Variants in CCN1 observed in about 807,000 individuals in gnomAD.
CCN1 encodes the protein cellular communication network factor 1, also known as CCN family member 1.
Under a neutral mutation model 38.1 loss-of-function variants are expected in CCN1, and 12 were observed. The ratio of observed to expected loss-of-function variants is 0.31; its 90% CI spans 0.20 to 0.51. CCN1 has a LOEUF of 0.51. Ranked by LOEUF, CCN1 falls within the 20% of genes least tolerant of loss-of-function variation. The pLI is 0.97. For missense variants in CCN1, 466 were observed against 490.9 expected, an observed-to-expected ratio of 0.95 and a Z score of 0.48; for synonymous variants, 202 against 196.1, an observed-to-expected ratio of 1.03 and a Z score of -0.25.
chr1:85,582,329 T>C (rs1659808205), intron 3 of CCN1, 45 bp downstream of exon 3: 22 of 1,613,466 alleles, frequency 1.4e-5, no homozygotes, highest in Non-Finnish European at 1.8e-5. Flanking sequence ...GAGATGCATT[T>C]CTGGTCTAAA....
In CCN1 at chr1:85,582,238, T is replaced by C. The variant is rs200107136; in HGVS notation, c.588T>C (p.Asn196=). ...CCGAGGTGGAGTTGACGAGAAACAA[T>C]GAATTGATTGCAGTTGGAAAAGGCA... The part of the protein sequence containing the change: ...DASEVELTRN[N]ELIAVGKGSS... The change falls in exon 3 of 5, where the codon AAT becomes AAC. Residue 196 remains asparagine, a synonymous_variant. Coordinates refer to ENST00000451137, the MANE Select transcript of CCN1 (RefSeq NM_001554.5). The C allele has an allele frequency of 4.1e-5, 66 of 1,613,942 alleles. 1 individual carries two copies. In the Admixed American group the frequency reaches 6.0e-4, roughly 15 times the overall value.
At chr1:85,581,106 G>C in intron 1 of CCN1, 59 bp downstream of exon 1, 2 of 1,530,572 alleles carry the variant, frequency 1.3e-6, no homozygotes, top group Non-Finnish European at 1.8e-6. Flanking sequence ...CCCTTCCCCT[G>C]GTCCCAGATT....
In CCN1 at chr1:85,581,347, A is replaced by T; in HGVS notation, c.64-18A>T. On this transcript the variant is annotated intron_variant, in intron 1 of 4. Coordinates refer to ENST00000451137, the MANE Select transcript of CCN1 (RefSeq NM_001554.5). ...GCGCACCGCGCCGAGTCTCACGCGT[A>T]TCTTCTCCCCCTTCCAGGCGCTCTC... 2 of 1,556,780 alleles carry T rather than the reference A, an allele frequency of 1.3e-6. No individual in the cohort carries two copies. The highest frequency in any genetic ancestry group is 2.3e-5 in the South Asian group (2 of 85,642).
rs1659800809 is a variant in CCN1 at position 85,582,059 on chromosome 1, G to A, written c.409G>A (p.Glu137Lys). The change falls in exon 3 of 5, where the codon GAA becomes AAA. Residue 137 changes from glutamate to lysine, a missense_variant. By Grantham distance (56) the Glu-to-Lys change is moderately conservative. Around this residue, in one of 3 missense-constraint regions of CCN1, gnomAD observed 309 missense variants for 319.9 expected, o/e 0.97. Transcript: ENST00000451137. ...GGGCTGCATTCCTCTGTGTCCCCAAGAACTATCTCTCCCCAACTTGGGCTG... is the reference window on the plus strand; with the variant it reads ...GGGCTGCATTCCTCTGTGTCCCCAAAAACTATCTCTCCCCAACTTGGGCTG... The part of the protein sequence containing the change: ...AVGCIPLCPQ[E>K]LSLPNLGCPN... 1 of 1,614,152 alleles carries A rather than the reference G, an allele frequency of 6.2e-7. No individual in the cohort carries two copies.
chr1:85,581,186 C>T, intron 1 of CCN1, 139 bp downstream of exon 1: 1 of 1,218,482 alleles, frequency 8.2e-7, no homozygotes, highest in Middle Eastern at 1.9e-4. Context: ...CACTCTCCCC[C>T]TCCCCCCGAA....
rs772182743 is a variant in CCN1, at chr1:85,580,887, C to G, written c.-98C>G. ...TCCCTGCCCACCGGGCCCACCGCGC[C>G]GCCACCCCGACCCCGCTGCGCACGG... On this transcript the variant is annotated 5_prime_UTR_variant, in exon 1 of 5. Coordinates refer to ENST00000451137, the MANE Select transcript of CCN1 (RefSeq NM_001554.5). 873 of 1,215,034 alleles carry G rather than the reference C, an allele frequency of 7.2e-4. 5 individuals are homozygous for G. The highest frequency in any genetic ancestry group is 6.5e-3 in the Middle Eastern group (31 of 4,742). 75.3% of individuals were successfully genotyped at this position (1,215,034 alleles called of 1,614,324 possible).
Position 85,583,134 on chromosome 1 carries a change from G to C in CCN1, c.*92G>C. 2 of 1,346,776 alleles carry C rather than the reference G, an allele frequency of 1.5e-6. No individual in the cohort carries two copies. Among genetic ancestry groups the C allele is most frequent in the South Asian group, 2.7e-5 (2 of 74,586 alleles). 83.4% of individuals were successfully genotyped at this position (1,346,776 alleles called of 1,614,324 possible). On this transcript the variant is annotated 3_prime_UTR_variant, in exon 5 of 5. Transcript: ENST00000451137. ...GGAGAAAATGGGCGGGGGTGGTGTG[G>C]GTGATGGGACTCATTGTAGAAAGGA...
chr1:85,582,354 A>G (rs1021296283), intron 3 of CCN1, 62 bp from the exon 4 acceptor site: 3 of 1,613,070 alleles, frequency 1.9e-6, no homozygotes, highest in Non-Finnish European at 2.5e-6. Context: ...TGTAGAAATG[A>G]GTGCTTGAGC....
chr1:85,583,307 G>A lies in CCN1; in HGVS notation c.*265G>A. The A allele has an allele frequency of 2.2e-6, 1 of 449,830 alleles. No homozygotes were observed. Among genetic ancestry groups the A allele is most frequent in the Non-Finnish European group, 3.9e-6 (1 of 255,466 alleles). 27.9% of individuals were successfully genotyped at this position (449,830 alleles called of 1,614,324 possible). ...ACTGCTTCATTTTGGAGCTTGTGGA[G>A]TTGATGACTTTCTGTTTTCTGTTTG... On this transcript the variant is annotated 3_prime_UTR_variant, in exon 5 of 5. Coordinates refer to ENST00000451137, the MANE Select transcript of CCN1 (RefSeq NM_001554.5).
At position 85,580,963 on chromosome 1, in the gene CCN1, C is replaced by A; in HGVS notation, c.-22C>A. On this transcript the variant is annotated 5_prime_UTR_variant, in exon 1 of 5. Transcript: ENST00000451137. ...GGCGTCTTCGTCGCCGCGCTCGCCC[C>A]GGGCTACTCCTGCGCGCCACAATGA... 1 of 1,576,816 alleles carries A rather than the reference C, an allele frequency of 6.3e-7. No homozygotes were observed.
At position 85,582,442 on chromosome 1, in the gene CCN1, T is replaced by C. The variant is rs565430789; in HGVS notation, c.661T>C (p.Tyr221His). The C allele has an allele frequency of 2.8e-5, 45 of 1,614,184 alleles. No homozygotes were observed. In the South Asian group the frequency reaches 4.9e-4, roughly 18 times the overall value. The change falls in exon 4 of 5, where the codon TAC becomes CAC. Residue 221 changes from tyrosine to histidine, a missense_variant. By Grantham distance (83) the Tyr-to-His change is moderately conservative. This residue lies in a region of CCN1 where 309 missense variants were observed against 319.9 expected (regional missense o/e 0.97). Transcript: ENST00000451137. ...PVFGMEPRIL[Y>H]NPLQGQKCIV... is the part of the protein sequence containing the mutation. ...TTTTGGAATGGAGCCTCGCATCCTA[T>C]ACAACCCTTTACAAGGCCAGAAATG...
Position 85,581,031 on chromosome 1 carries a change from T to A in CCN1, c.47T>A (p.Leu16His). ...ARALALVVTLLHLTRLALSTC... is the reference protein window; with the variant it reads ...ARALALVVTLHHLTRLALSTC... ...GCGCTCGCCTTAGTCGTCACCCTTC[T>A]CCACTTGACCAGGCTGGTGAGTTGG... Residue 16 changes from leucine (L) to histidine (H), a missense_variant, in exon 1 of 5, where the codon CTC becomes CAC. Physicochemically the swap from Leu to His is moderately conservative, Grantham distance 99 (BLOSUM62 -3). Transcript: ENST00000451137. 6.2e-7 allele frequency: 1 copy of A among 1,611,060 alleles called. No homozygotes were observed. Among genetic ancestry groups the A allele is most frequent in the Non-Finnish European group, 8.5e-7 (1 of 1,178,924 alleles).
rs774059615 is a variant in CCN1 at position 85,582,434 on chromosome 1, G to C, written c.653G>C (p.Arg218Pro). ...KRLPVFGMEP[R>P]ILYNPLQGQK... The stretch of plus-strand genomic sequence containing the variant: ...TCTCTAGTTTTTGGAATGGAGCCTC[G>C]CATCCTATACAACCCTTTACAAGGC... The change falls in exon 4 of 5, where the codon CGC becomes CCC. Residue 218 changes from arginine to proline, a missense_variant. This residue lies in a region of CCN1 where 309 missense variants were observed against 319.9 expected (regional missense o/e 0.97). Coordinates refer to ENST00000451137, the MANE Select transcript of CCN1 (RefSeq NM_001554.5). 1 of 1,614,022 alleles carries C rather than the reference G, an allele frequency of 6.2e-7. No individual in the cohort carries two copies. Among genetic ancestry groups the C allele is most frequent in the South Asian group, 1.1e-5 (1 of 91,066 alleles).
rs1180838272 is a variant in CCN1 at position 85,582,928 on chromosome 1, CA to C, written c.1034del (p.Lys345ArgfsTer4). 1 of 1,614,084 alleles carries C rather than the reference CA, an allele frequency of 6.2e-7. No homozygotes were observed. The highest frequency in any genetic ancestry group is 8.5e-7 in the Non-Finnish European group (1 of 1,180,056). On this transcript the variant is annotated frameshift_variant, in exon 5 of 5. Transcript: ENST00000451137. LOFTEE classifies it high-confidence loss of function. ...GCTGCGAAGATGGGGAGACATTTTC[CA>C]AGAACGTCATGATGATCCAGTCCTG... is the stretch of plus-strand genomic sequence containing the variant. Reference protein sequence around the residue: ...FRCEDGETFSKNVMMIQSCKC... With the variant: ...FRCEDGETFSXNVMMIQSCKC...
At chr1:85,581,689 A>C (rs1659794441) in intron 2 of CCN1, 111 bp downstream of exon 2, 14 of 1,343,008 alleles carry the variant, frequency 1.0e-5, no homozygotes, top group Non-Finnish European at 1.4e-5. Flanking sequence ...GTAGCTTGGC[A>C]GAAAGGCACA....
chr1:85,582,526 A>G lies in CCN1; in HGVS notation c.745A>G (p.Thr249Ala). Residue 249 changes from threonine (T) to alanine (A), a missense_variant, in exon 4 of 5, where the codon ACA becomes GCA. Thr to Ala is a moderately conservative substitution (Grantham distance 58). Around this residue, in one of 3 missense-constraint regions of CCN1, gnomAD observed 309 missense variants for 319.9 expected, o/e 0.97. Coordinates refer to ENST00000451137, the MANE Select transcript of CCN1 (RefSeq NM_001554.5). ...CSKTCGTGIS[T>A]RVTNDNPECR... ...AAAGACCTGTGGAACTGGTATCTCC[A>G]CACGAGTTACCAATGACAACCCTGA... 3.1e-6 allele frequency: 5 copies of G among 1,614,142 alleles called. No individual in the cohort carries two copies. The highest frequency in any genetic ancestry group is 2.2e-5 in the South Asian group (2 of 91,072).
rs72726328 is a variant in CCN1, at chr1:85,583,523, C to T, written c.*481C>T. 1.3e-5 allele frequency: 2 copies of T among 155,682 alleles called. No homozygotes were observed. Among genetic ancestry groups the T allele is most frequent in the African/African-American group, 2.4e-5 (1 of 41,594 alleles). The allele number at this position is 155,682 out of a possible 1,614,324, so 9.6% of individuals were successfully genotyped here. A position where few individuals can be genotyped will look rare whatever the true frequency, so the allele number is the denominator to read the frequency against. ...AGTGTCTGTGAGAGGCAGCTATCTG[C>T]ACTCTAAACTGCAAACAGAAATCAG... On this transcript the variant is annotated 3_prime_UTR_variant, in exon 5 of 5. Coordinates refer to ENST00000451137, the MANE Select transcript of CCN1 (RefSeq NM_001554.5).
rs1357744065 is a variant in CCN1, at chr1:85,582,579, T to C, written c.798T>C (p.Ile266=). The part of the protein sequence containing the change: ...PECRLVKETR[I]CEVRPCGQPV... Reference sequence around the variant, plus strand: ...GCCGCCTTGTGAAAGAAACCCGGATTTGTGAGGTGCGGCCTTGTGGACAGC... The same window carrying C: ...GCCGCCTTGTGAAAGAAACCCGGATCTGTGAGGTGCGGCCTTGTGGACAGC... Residue 266 remains isoleucine, a synonymous_variant, in exon 4 of 5, where the codon ATT becomes ATC. Transcript: ENST00000451137. 1 of 1,614,092 alleles carries C rather than the reference T, an allele frequency of 6.2e-7. No individual in the cohort carries two copies. The highest frequency in any genetic ancestry group is 1.3e-5 in the African/African-American group (1 of 74,998).
At chr1:85,581,754 T>A in intron 2 of CCN1, 174 bp from the exon 3 acceptor site, 1 of 1,089,328 alleles carries the variant, frequency 9.2e-7, no homozygotes, top group Non-Finnish European at 1.4e-6. Context: ...CGAAAGCGCA[T>A]ACGGAAAAGT....
Sources: gnomAD v4.1 joint callset for allele counts on GRCh38, gnomAD v4.1.1 for gene constraint, gnomAD v4.1.1 regional missense constraint, MANE v1.5 for transcripts, NCBI Gene and HGNC (gene_info 2026-07-23, HGNC 2026-07-21) for gene names.